Variants in LRP1B observed in about 807,000 individuals in gnomAD.
The protein encoded by LRP1B is LDL receptor related protein 1B.
Under a neutral mutation model 556.6 loss-of-function variants are expected in LRP1B, and 217 were observed. The ratio of observed to expected loss-of-function variants is 0.39; its 90% CI spans 0.35 to 0.44. The LOEUF (loss-of-function observed/expected upper bound fraction) is 0.44, where lower values mean the gene tolerates loss of function less well. Among genes scored for constraint, LRP1B ranks in the 20% least tolerant of loss-of-function variants. LRP1B has a pLI of 1.00. For missense variants in LRP1B, 5,053 were observed against 5,620.8 expected, an observed-to-expected ratio of 0.90 and a Z score of 3.23; for synonymous variants, 2,047 against 1,865.8, an observed-to-expected ratio of 1.10 and a Z score of -2.50.
chr2:141,258,897 G>A (rs1463062606), intron 3 of LRP1B, among the ~76,000 whole-genome samples: 1 of 152,102 alleles, frequency 6.6e-6, no homozygotes, highest in Non-Finnish European at 1.5e-5. Flanking sequence ...CTGCAGAACT[G>A]TGAGCCAATT....
chr2:141,132,232 G>A (rs1701376421), intron 7 of LRP1B, among the ~76,000 whole-genome samples: 2 of 151,988 alleles, frequency 1.3e-5, no homozygotes, highest in Non-Finnish European at 2.9e-5. Context: ...GGCCTGATGT[G>A]AGGTATTTGG....
chr2:141,391,151 G>A (rs895910539), intron 3 of LRP1B, among the ~76,000 whole-genome samples: 7 of 152,222 alleles, frequency 4.6e-5, no homozygotes, highest in East Asian at 1.9e-4. Flanking sequence ...TTGGATAGTC[G>A]TTATACAATG....
At chr2:140,983,571 A>G (rs1696835815) in intron 17 of LRP1B, among the ~76,000 whole-genome samples, 1 of 152,120 alleles carries the variant, frequency 6.6e-6, no homozygotes, top group Non-Finnish European at 1.5e-5. Context: ...TTCTTAAAAG[A>G]TATATACATT....
intron 2 of LRP1B, among the ~76,000 whole-genome samples, chr2:141,620,150 G>T (rs1233074658): frequency 1.3e-5 from 2 of 152,104 alleles, no homozygotes; most frequent in African/African-American, 4.8e-5. Context: ...ATGGGATCTT[G>T]CTGTGTTACT....
chr2:141,460,939 C>T (rs10928103), intron 3 of LRP1B, among the ~76,000 whole-genome samples: 109,765 of 151,714 alleles, frequency 0.72, 40,835 homozygotes, highest in East Asian at 0.86. Context: ...GAACTTGGGT[C>T]TGTTGAGTTG....
At chr2:141,743,965 C>G (rs868238658) in intron 2 of LRP1B, among the ~76,000 whole-genome samples, 6 of 101,150 alleles carry the variant, frequency 5.9e-5, no homozygotes, top group East Asian at 3.0e-4. Context: ...TTGTTTGATT[C>G]TTTATATTGT....
Position 140,314,973 on chromosome 2 carries a change from T to C in LRP1B, c.12767A>G (p.Tyr4256Cys), listed in dbSNP as rs1378576482. The change falls in exon 83 of 91, where the codon TAC becomes TGC. Residue 4256 changes from tyrosine to cysteine, a missense_variant. Transcript: ENST00000389484. Reference sequence around the variant, plus strand: ...TACGCAAGTTCCTCCATTCTGGCAGTAGTTGCTACAGTGGTTGACTTCACA... The same window carrying C: ...TACGCAAGTTCCTCCATTCTGGCAGCAGTTGCTACAGTGGTTGACTTCACA... ...ERCEVNHCSN[Y>C]CQNGGTCVPS... The C allele has an allele frequency of 6.2e-7, 1 of 1,609,642 alleles. No individual in the cohort carries two copies. The highest frequency in any genetic ancestry group is 8.5e-7 in the Non-Finnish European group (1 of 1,177,770).
chr2:140,248,477 A>C lies in LRP1B; in HGVS notation c.13248-1315T>G, dbSNP rs543333966. Reference sequence around the variant, plus strand: ...ATTAGCTCAACTTTTGTTACATCATAAAAAGCTAACACATTATATAATTTT... The same window carrying C: ...ATTAGCTCAACTTTTGTTACATCATCAAAAGCTAACACATTATATAATTTT... On this transcript the variant is annotated intron_variant, in intron 86 of 90. Coordinates refer to ENST00000389484, the MANE Select transcript of LRP1B (RefSeq NM_018557.3). Among the ~76,000 whole-genome samples, 18 of 151,780 alleles carry C rather than the reference A, an allele frequency of 1.2e-4. No individual in the cohort carries two copies. In the South Asian group the frequency reaches 3.1e-3, roughly 26 times the overall value.
chr2:140,535,972 T>C (rs1248204189), intron 46 of LRP1B, among the ~76,000 whole-genome samples: 2 of 152,040 alleles, frequency 1.3e-5, no homozygotes, highest in African/African-American at 2.4e-5. Flanking sequence ...TCGACAAGAC[T>C]TTGATAACAA....
chr2:141,726,759 C>T (rs374585070), intron 2 of LRP1B, among the ~76,000 whole-genome samples: 16 of 152,096 alleles, frequency 1.1e-4, no homozygotes, highest in Admixed American at 3.3e-4. Flanking sequence ...TATCAGATTA[C>T]AAGAACAATG....
chr2:140,306,001 G>A (rs1684047781), intron 83 of LRP1B, among the ~76,000 whole-genome samples: 1 of 149,482 alleles, frequency 6.7e-6, no homozygotes, highest in Non-Finnish European at 1.5e-5. Context: ...CAGGGATGAA[G>A]CCCACTTGAT....
chr2:140,335,457 G>A (rs1260338260), intron 78 of LRP1B, among the ~76,000 whole-genome samples, 158 bp downstream of exon 78: 1 of 151,822 alleles, frequency 6.6e-6, no homozygotes, highest in Admixed American at 6.6e-5. Context: ...GGTATGAATA[G>A]GACATGCTTT....
chr2:140,255,844 T>C (rs138957579), intron 86 of LRP1B, among the ~76,000 whole-genome samples: 315 of 152,334 alleles, frequency 2.1e-3, no homozygotes, highest in Non-Finnish European at 2.5e-3. Flanking sequence ...ATTAATCCAC[T>C]ATGGGAAACT....
chr2:140,701,053 T>G (rs1686620110), intron 40 of LRP1B, among the ~76,000 whole-genome samples: 1 of 152,108 alleles, frequency 6.6e-6, no homozygotes, highest in East Asian at 1.9e-4. Flanking sequence ...CCTAACCTCC[T>G]AAATATGCTG....
intron 31 of LRP1B, among the ~76,000 whole-genome samples, chr2:140,833,975 T>G (rs2105081644): frequency 6.6e-6 from 1 of 152,288 alleles, no homozygotes; most frequent in Non-Finnish European, 1.5e-5. Flanking sequence ...CCCAAGAAAT[T>G]ATTGCCCAGG....
At chr2:141,035,710 T>A (rs1015363755) in intron 11 of LRP1B, among the ~76,000 whole-genome samples, 4 of 152,124 alleles carry the variant, frequency 2.6e-5, no homozygotes, top group Non-Finnish European at 4.4e-5. Flanking sequence ...TTTTTCTTTT[T>A]ATACAGTGAA....
intron 7 of LRP1B, among the ~76,000 whole-genome samples, chr2:141,078,143 CAG>C (rs745341194): frequency 9.9e-5 from 15 of 151,978 alleles, no homozygotes; most frequent in Non-Finnish European, 2.1e-4. Flanking sequence ...ACAAGAAAAA[CAG>C]AAGTCAAATG....
At chr2:140,952,617 G>A (rs898805806) in intron 18 of LRP1B, among the ~76,000 whole-genome samples, 4 of 151,912 alleles carry the variant, frequency 2.6e-5, no homozygotes, top group Non-Finnish European at 2.9e-5. Context: ...CTAACCTTTA[G>A]ATAATTACAA....
At chr2:141,199,317 C>T (rs1681896449) in intron 6 of LRP1B, among the ~76,000 whole-genome samples, 1 of 152,148 alleles carries the variant, frequency 6.6e-6, no homozygotes, top group Non-Finnish European at 1.5e-5. Context: ...ATGAAGGCCA[C>T]TCAGGAACTG....
Sources: gnomAD v4.1 joint callset for allele counts (sites outside exome capture counted in the v4.1 genomes callset) on GRCh38, gnomAD v4.1.1 for gene constraint, MANE v1.5 for transcripts, NCBI Gene and HGNC (gene_info 2026-07-23, HGNC 2026-07-21) for gene names.